MAPKBP1: variants seen among roughly 807,000 people sequenced by gnomAD.
MAPKBP1 encodes the protein mitogen-activated protein kinase-binding protein 1.
A neutral mutation model predicts 170.5 loss-of-function variants in MAPKBP1; 71 were observed. The ratio of observed to expected loss-of-function variants is 0.42; its 90% CI spans 0.34 to 0.51. The LOEUF is 0.51. Ranked by LOEUF, MAPKBP1 falls within the 20% of genes least tolerant of loss-of-function variation. MAPKBP1 has a pLI of 0.06. For missense variants in MAPKBP1, 1,598 were observed against 1,933.0 expected, an observed-to-expected ratio of 0.83 and a Z score of 3.25; for synonymous variants, 719 against 757.9, an observed-to-expected ratio of 0.95 and a Z score of 0.84.
chr15:41,798,842 C>T (rs1481457165), intron 2 of MAPKBP1, among the ~76,000 whole-genome samples: 1 of 152,162 alleles, frequency 6.6e-6, no homozygotes, highest in Non-Finnish European at 1.5e-5. Flanking sequence ...ATTCTGAAGC[C>T]CCACTCTCTG....
Position 41,817,958 on chromosome 15 carries a change from G to GTGT in MAPKBP1, c.1905-49_1905-47dup. On this transcript the variant is annotated intron_variant, in intron 16 of 30. Transcript: ENST00000457542. This position sits in a 1 kb window ranked among gnomAD's most constrained non-coding sequence, Gnocchi z 4.2. ...AAGCTGGCATTTCCATCCCCCAGGC[G>GTGT]TGTTCCACCTTCACCGCCTCCTCAT... 1 of 1,585,912 alleles carries GTGT rather than the reference G, an allele frequency of 6.3e-7. No homozygotes were observed. Among genetic ancestry groups the GTGT allele is most frequent in the South Asian group, 1.1e-5 (1 of 90,372 alleles).
chr15:41,779,586 C>T (rs1287191189), intron 2 of MAPKBP1, among the ~76,000 whole-genome samples: 3 of 152,142 alleles, frequency 2.0e-5, no homozygotes, highest in Admixed American at 1.3e-4. Flanking sequence ...CTCAAGGGCT[C>T]CTCCTGCCAC....
At chr15:41,797,453 T>G (rs1398306394) in intron 2 of MAPKBP1, among the ~76,000 whole-genome samples, 1 of 152,152 alleles carries the variant, frequency 6.6e-6, no homozygotes, top group Non-Finnish European at 1.5e-5. Flanking sequence ...GGAATGTCCC[T>G]AAATATCCCC....
chr15:41,779,196 A>C (rs1158471512), intron 2 of MAPKBP1, among the ~76,000 whole-genome samples: 2 of 152,066 alleles, frequency 1.3e-5, no homozygotes, highest in Non-Finnish European at 2.9e-5. Flanking sequence ...CGCATATATG[A>C]TTTGGTATTG....
At chr15:41,820,270 C>T (rs909400152) in intron 22 of MAPKBP1, among the ~76,000 whole-genome samples, 8 of 152,124 alleles carry the variant, frequency 5.3e-5, no homozygotes, top group African/African-American at 9.7e-5. Context: ...GCACCCTGAC[C>T]GGGCCAGGGG....
intron 2 of MAPKBP1, among the ~76,000 whole-genome samples, chr15:41,793,000 T>C (rs1056204779): frequency 2.0e-5 from 3 of 151,980 alleles, no homozygotes; most frequent in Non-Finnish European, 4.4e-5. Flanking sequence ...CAACTACATA[T>C]CCAAATGAGG....
At chr15:41,811,792 C>T in intron 5 of MAPKBP1, 165 bp from the exon 6 acceptor site, 1 of 751,648 alleles carries the variant, frequency 1.3e-6, no homozygotes, top group South Asian at 1.5e-5. Flanking sequence ...CACTGTTGCC[C>T]TCAGATCTTT....
At chr15:41,821,926 G>A (rs2065004724) in intron 24 of MAPKBP1, 39 bp from the exon 25 acceptor site, 1 of 1,601,724 alleles carries the variant, frequency 6.2e-7, no homozygotes, top group African/African-American at 1.3e-5. Flanking sequence ...GCCTACCCCT[G>A]CTCACTGCCT....
chr15:41,793,331 C>G (rs567065237), intron 2 of MAPKBP1, among the ~76,000 whole-genome samples: 5 of 152,138 alleles, frequency 3.3e-5, no homozygotes, highest in Middle Eastern at 3.4e-3. Context: ...ACTAAAAATA[C>G]AAAAAATTAG....
At chr15:41,791,258 T>G (rs896935448) in intron 2 of MAPKBP1, among the ~76,000 whole-genome samples, 3 of 151,968 alleles carry the variant, frequency 2.0e-5, no homozygotes, top group African/African-American at 7.2e-5. Context: ...CAAAAACAGA[T>G]CTTTTTCCTC....
Position 41,826,278 on chromosome 15 carries a change from A to G in MAPKBP1, c.*842A>G, listed in dbSNP as rs2065092129. The G allele has an allele frequency of 6.5e-6, 1 of 152,710 alleles. No individual in the cohort carries two copies. Among genetic ancestry groups the G allele is most frequent in the African/African-American group, 2.4e-5 (1 of 41,442 alleles). The allele number at this position is 152,710 out of a possible 1,614,324, so 9.5% of individuals were successfully genotyped here. ...AGCCCAGAGGCCACCTTCTCCCTGCATCCTGAATGATGCTTAGTCAGAAGC... is the reference window on the plus strand; with the variant it reads ...AGCCCAGAGGCCACCTTCTCCCTGCGTCCTGAATGATGCTTAGTCAGAAGC... On this transcript the variant is annotated 3_prime_UTR_variant, in exon 31 of 31. Coordinates refer to ENST00000457542, the MANE Select transcript of MAPKBP1 (RefSeq NM_014994.3).
chr15:41,812,643 A>T lies in MAPKBP1; in HGVS notation c.626A>T (p.Lys209Met). The change falls in exon 7 of 31, where the codon AAG becomes ATG. Residue 209 changes from lysine to methionine, a missense_variant. Physicochemically the swap from Lys to Met is moderately conservative, Grantham distance 95 (BLOSUM62 -1). Transcript: ENST00000457542. ...AAATTCTGGTATCTCGATGACAGCA[A>T]GACCTCAAAGGTGAGGTGCTGAAGC... Reference protein sequence around the residue: ...HIKFWYLDDSKTSKVNATVPL... With the variant: ...HIKFWYLDDSMTSKVNATVPL... 6.2e-7 allele frequency: 1 copy of T among 1,605,810 alleles called. No homozygotes were observed. The highest frequency in any genetic ancestry group is 8.5e-7 in the Non-Finnish European group (1 of 1,175,232).
At chr15:41,775,967 C>T (rs921056550) in intron 2 of MAPKBP1, among the ~76,000 whole-genome samples, 2 of 152,234 alleles carry the variant, frequency 1.3e-5, no homozygotes, top group Non-Finnish European at 2.9e-5. Context: ...CAAAACAGTT[C>T]TGGATGGCCC....
chr15:41,819,548 G>GGGGA (rs1555454028), intron 21 of MAPKBP1, 47 bp from the exon 22 acceptor site: 1 of 993,416 alleles, frequency 1.0e-6, no homozygotes, highest in Non-Finnish European at 1.3e-6. Context: ...GTTGGGTGGC[G>GGGGA]GGGGGGGGGC....
rs542448974 is a variant in MAPKBP1, at chr15:41,826,584, T to G, written c.*1148T>G. 3.3e-5 allele frequency: 5 copies of G among 151,648 alleles called. No individual in the cohort carries two copies. Among genetic ancestry groups the G allele is most frequent in the South Asian group, 2.1e-4 (1 of 4,794 alleles). The allele number at this position is 151,648 out of a possible 1,614,324, so 9.4% of individuals were successfully genotyped here. ...GTGAACCCAGATTCTGGATTCTTGG[T>G]GTCCACAGCCTAGCTGATACGAGAT... On this transcript the variant is annotated 3_prime_UTR_variant, in exon 31 of 31. Coordinates refer to ENST00000457542, the MANE Select transcript of MAPKBP1 (RefSeq NM_014994.3).
rs1431186534 is a variant in MAPKBP1 at position 41,817,445 on chromosome 15, G to A, written c.1769G>A (p.Arg590His). The change falls in exon 15 of 31, where the codon CGC (arginine) becomes CAC (histidine). Residue 590 changes from arginine (R) to histidine (H), a missense_variant. Around this residue, in one of 6 missense-constraint regions of MAPKBP1, gnomAD observed 430 missense variants for 617.2 expected, o/e 0.70. Transcript: ENST00000457542. This position sits in a 1 kb window ranked among gnomAD's most constrained non-coding sequence, Gnocchi z 4.2. Reference sequence around the variant, plus strand: ...GGAGCAGACAAGAGCATCTACTTCCGCACTGCGCAGAAGGTGAGGGCGCTG... The same window carrying A: ...GGAGCAGACAAGAGCATCTACTTCCACACTGCGCAGAAGGTGAGGGCGCTG... ...SCGADKSIYF[R>H]TAQKSGDGVQ... 20 of 1,602,960 alleles carry A rather than the reference G, an allele frequency of 1.2e-5. No individual in the cohort carries two copies. The highest frequency in any genetic ancestry group is 3.3e-4 in the Middle Eastern group (2 of 6,026).
chr15:41,814,436 T>C, intron 9 of MAPKBP1, 114 bp from the exon 10 acceptor site: 1 of 1,054,798 alleles, frequency 9.5e-7, no homozygotes, highest in Non-Finnish European at 1.4e-6. Context: ...AAGCAACTAC[T>C]TCCAAACCTG....
intron 3 of MAPKBP1, 54 bp downstream of exon 3, chr15:41,799,968 A>G (rs1450448444): frequency 6.8e-7 from 1 of 1,466,760 alleles, no homozygotes; most frequent in Non-Finnish European, 9.6e-7. Context: ...TAGCCACGCT[A>G]GAGCAGTTGG....
rs752954086 is a variant in MAPKBP1, at chr15:41,815,614, G to A, written c.1318-10G>A. ...CTGCCTCATCCACCTTTTCTAACCTGTTCCACTAGGACCTCATTAAAATCA... is the reference window on the plus strand; with the variant it reads ...CTGCCTCATCCACCTTTTCTAACCTATTCCACTAGGACCTCATTAAAATCA... On this transcript the variant is annotated splice_polypyrimidine_tract_variant and intron_variant, in intron 11 of 30. Coordinates refer to ENST00000457542, the MANE Select transcript of MAPKBP1 (RefSeq NM_014994.3). 3.9e-5 allele frequency: 63 copies of A among 1,611,072 alleles called. No individual in the cohort carries two copies. Among genetic ancestry groups the A allele is most frequent in the Non-Finnish European group, 5.3e-5 (63 of 1,177,702 alleles).
Sources: allele counts gnomAD v4.1 joint callset (sites outside exome capture counted in the v4.1 genomes callset), GRCh38; gene constraint gnomAD v4.1.1; regional missense constraint gnomAD v4.1.1; non-coding constraint Gnocchi (gnomAD v3.1); transcripts MANE v1.5; gene names NCBI Gene and HGNC (gene_info 2026-07-23, HGNC 2026-07-21).